The following ECT2L variants were observed in gnomAD, a reference collection of about 807,000 sequenced individuals.
ECT2L encodes the protein epithelial cell-transforming sequence 2 oncogene-like.
ECT2L carries 126 observed loss-of-function variants against 122.8 expected under a neutral mutation model. That is an observed-to-expected ratio of 1.03 (90% CI 0.89 to 1.19). The LOEUF is 1.19. Ranked by LOEUF, ECT2L falls within the 50% of genes most tolerant of loss-of-function variation. ECT2L has a pLI of 0.00. For missense variants in ECT2L, 1,012 were observed against 1,064.1 expected, an observed-to-expected ratio of 0.95 and a Z score of 0.68; for synonymous variants, 385 against 381.8, an observed-to-expected ratio of 1.01 and a Z score of -0.10.
At position 138,881,055 on chromosome 6, in the gene ECT2L, G is replaced by A. The variant is rs777204171; in HGVS notation, c.1764G>A (p.Val588=). The change falls in exon 15 of 22, where the codon GTG becomes GTA. Residue 588 remains valine, a synonymous_variant. Transcript: ENST00000541398. ...ERKYVQILEI[V]RDVYVAPLKA... ...AATACGTGCAGATACTGGAAATTGT[G>A]AGAGATGTTTATGTCGCACCACTGA... 1.7e-5 allele frequency: 27 copies of A among 1,613,914 alleles called. No homozygotes were observed. In the South Asian group the frequency reaches 2.6e-4, roughly 16 times the overall value.
At chr6:138,864,023 A>AAAC (rs1777937683) in intron 11 of ECT2L, among the ~76,000 whole-genome samples, 1 of 148,958 alleles carries the variant, frequency 6.7e-6, no homozygotes, top group Non-Finnish European at 1.5e-5. Flanking sequence ...AAAAAAAAAA[A>AAAC]AAAAAAGCAT....
intron 4 of ECT2L, among the ~76,000 whole-genome samples, chr6:138,817,091 G>A (rs776262661): frequency 6.6e-6 from 1 of 152,144 alleles, no homozygotes; most frequent in Non-Finnish European, 1.5e-5. Context: ...ATATTATAAC[G>A]TTCTCAAGGT....
rs116586630 is a variant in ECT2L at position 138,882,368 on chromosome 6, G to T, written c.1881-356G>T. 3.8e-3 allele frequency among the ~76,000 whole-genome samples: 579 copies of T among 152,314 alleles called. 2 individuals carry two copies. The highest frequency in any genetic ancestry group is 0.013 in the African/African-American group (534 of 41,564). ...TAAGCAGAGGCTATGGCATTCAGCTGTTGAAGACAGTGGAGCACTCTCCTC... is the reference window on the plus strand; with the variant it reads ...TAAGCAGAGGCTATGGCATTCAGCTTTTGAAGACAGTGGAGCACTCTCCTC... On this transcript the variant is annotated intron_variant, in intron 15 of 21. Transcript: ENST00000541398.
In ECT2L at chr6:138,846,695, G is replaced by A. The variant is rs1045474534; in HGVS notation, c.903+18G>A. 4 of 1,569,196 alleles carry A rather than the reference G, an allele frequency of 2.5e-6. No homozygotes were observed. The African/African-American group carries it at 4.1e-5, about 16-fold the overall frequency. ...CGTATGAGGTAGAGTATGTTATGAG[G>A]CCAGTCCTGTCCTGATTGTTTTTTT... On this transcript the variant is annotated intron_variant, in intron 8 of 21. Coordinates refer to ENST00000541398, the MANE Select transcript of ECT2L (RefSeq NM_001077706.3).
chr6:138,811,726 A>G (rs1279682494), intron 1 of ECT2L, among the ~76,000 whole-genome samples: 2 of 152,102 alleles, frequency 1.3e-5, no homozygotes, highest in African/African-American at 4.8e-5. Context: ...GATGTCAGTG[A>G]TGGAGTGCAG....
At chr6:138,899,575 C>T (rs58263961) in intron 20 of ECT2L, among the ~76,000 whole-genome samples, 36,431 of 151,756 alleles carry the variant, frequency 0.24, 5,178 homozygotes, top group African/African-American at 0.4. Context: ...GAAAGAGGTA[C>T]ACTAAATAAA....
chr6:138,827,014 C>G (rs1289098903), intron 4 of ECT2L, among the ~76,000 whole-genome samples: 2 of 152,164 alleles, frequency 1.3e-5, no homozygotes, highest in Non-Finnish European at 2.9e-5. Context: ...CCTATAAAGC[C>G]TGCAGAACCA....
intron 1 of ECT2L, among the ~76,000 whole-genome samples, chr6:138,811,390 G>T (rs1775887249): frequency 1.3e-5 from 2 of 152,194 alleles, no homozygotes. Flanking sequence ...AGCCTTATAA[G>T]AGCCTTGACA....
intron 14 of ECT2L, 79 bp from the exon 15 acceptor site, chr6:138,880,878 G>C: frequency 7.9e-7 from 1 of 1,273,438 alleles, no homozygotes; most frequent in Non-Finnish European, 1.1e-6. Context: ...CCAGCAAGGG[G>C]GGTCTCCGTG....
rs1777533928 is a variant in ECT2L at position 138,854,029 on chromosome 6, A to G, written c.1073A>G (p.Tyr358Cys). 1 of 1,613,632 alleles carries G rather than the reference A, an allele frequency of 6.2e-7. No homozygotes were observed. Residue 358 changes from tyrosine (Y) to cysteine (C), a missense_variant, in exon 10 of 22, where the codon TAT becomes TGT. Physicochemically the swap from Tyr to Cys is radical, Grantham distance 194. Transcript: ENST00000541398. The stretch of plus-strand genomic sequence containing the variant: ...CATTTTGATTTTTTTTCCTCAGGCT[A>G]TAAAATTGGTGTTAAAAATTTACTG... ...DSREINLLQG[Y>C]KIGVKNLLRP... is the part of the protein sequence containing the mutation.
chr6:138,859,586 G>T (rs978754950), intron 10 of ECT2L, among the ~76,000 whole-genome samples: 16 of 152,222 alleles, frequency 1.1e-4, no homozygotes, highest in African/African-American at 3.9e-4. Context: ...GTGGGTATGT[G>T]GTGGTATCTC....
chr6:138,876,702 G>T (rs9495279), intron 14 of ECT2L, 144 bp downstream of exon 14: 1 of 587,208 alleles, frequency 1.7e-6, no homozygotes, highest in Non-Finnish European at 2.9e-6. Flanking sequence ...TTATTAGAGA[G>T]AATTCAGCTG....
chr6:138,881,114 G>T lies in ECT2L; in HGVS notation c.1823G>T (p.Ser608Ile), dbSNP rs752429161. 2 of 1,614,166 alleles carry T rather than the reference G, an allele frequency of 1.2e-6. No homozygotes were observed. Among genetic ancestry groups the T allele is most frequent in the South Asian group, 2.2e-5 (2 of 91,082 alleles). The change falls in exon 15 of 22, where the codon AGT becomes ATT. Residue 608 changes from serine (S) to isoleucine (I), a missense_variant. Physicochemically the swap from Ser to Ile is moderately radical, Grantham distance 142 (BLOSUM62 -2). Coordinates refer to ENST00000541398, the MANE Select transcript of ECT2L (RefSeq NM_001077706.3). The stretch of plus-strand genomic sequence containing the variant: ...TTGTCATCAAACAGAGCGATTCTGA[G>T]TGCTGCCAATATCCAGATCATTTTC... ...AALSSNRAIL[S>I]AANIQIIFCD...
At position 138,901,121 on chromosome 6, in the gene ECT2L, G is replaced by A. The variant is rs748046870; in HGVS notation, c.2587+1G>A. ...ATAGAAAATATTCCAGATTCCAAGT[G>A]TATGTATTCTTTTCCTTCCAAGAGA... On this transcript the variant is annotated splice_donor_variant, in intron 21 of 21. Coordinates refer to ENST00000541398, the MANE Select transcript of ECT2L (RefSeq NM_001077706.3). LOFTEE classifies it high-confidence loss of function. 1 of 1,613,494 alleles carries A rather than the reference G, an allele frequency of 6.2e-7. No homozygotes were observed. The highest frequency in any genetic ancestry group is 1.1e-5 in the South Asian group (1 of 90,970).
intron 20 of ECT2L, among the ~76,000 whole-genome samples, chr6:138,893,120 T>C (rs1330078318): frequency 6.6e-6 from 1 of 152,114 alleles, no homozygotes; most frequent in Non-Finnish European, 1.5e-5. Flanking sequence ...TGATCAATTT[T>C]GAGTCTGTTA....
In ECT2L at chr6:138,902,668, CA is replaced by C; in HGVS notation, c.*44del. The C allele has an allele frequency of 6.2e-7, 1 of 1,607,258 alleles. No individual in the cohort carries two copies. Among genetic ancestry groups the C allele is most frequent in the Non-Finnish European group, 8.5e-7 (1 of 1,176,280 alleles). On this transcript the variant is annotated 3_prime_UTR_variant, in exon 22 of 22. Coordinates refer to ENST00000541398, the MANE Select transcript of ECT2L (RefSeq NM_001077706.3). ...CTTCAGGGGTGCCAATTCTCCCCAG[CA>C]AAGACAGACAACATGTATTTTCTGT... is the stretch of plus-strand genomic sequence containing the variant.
chr6:138,807,832 T>C (rs748132576), intron 1 of ECT2L, among the ~76,000 whole-genome samples: 1 of 152,196 alleles, frequency 6.6e-6, no homozygotes. Context: ...TCCATATGTA[T>C]GTGGGTCTGT....
chr6:138,896,791 G>A (rs1311918308), intron 20 of ECT2L, among the ~76,000 whole-genome samples: 1 of 152,100 alleles, frequency 6.6e-6, no homozygotes, highest in Non-Finnish European at 1.5e-5. Flanking sequence ...GGGACTATAG[G>A]TGTGCACCAC....
At chr6:138,850,994 C>CAAAAAAAAAAAA (rs34453938) in intron 9 of ECT2L, among the ~76,000 whole-genome samples, 5 of 57,780 alleles carry the variant, frequency 8.7e-5, no homozygotes, top group East Asian at 6.8e-4. Context: ...AACTCCATCT[C>CAAAAAAAAAAAA]AAAAAAAAAA....
Sources: gnomAD v4.1 joint callset for allele counts (sites outside exome capture counted in the v4.1 genomes callset) on GRCh38, gnomAD v4.1.1 for gene constraint, MANE v1.5 for transcripts, NCBI Gene and HGNC (gene_info 2026-07-23, HGNC 2026-07-21) for gene names.